The following PKP2 variants were observed in gnomAD, a reference collection of about 807,000 sequenced individuals.
PKP2 encodes plakophilin 2.
A neutral mutation model predicts 83.4 loss-of-function variants in PKP2; 73 were observed. The ratio of observed to expected loss-of-function variants is 0.88; its 90% CI spans 0.72 to 1.06. The LOEUF (loss-of-function observed/expected upper bound fraction) is 1.06. Among genes scored for constraint, PKP2 ranks in the 50% least tolerant of loss-of-function variants. PKP2 has a pLI of 0.00. For synonymous variants in PKP2, 409 were observed against 430.4 expected (o/e 0.95, Z 0.62); for missense variants, 966 against 1,065.4 (o/e 0.91, Z 1.30).
At chr12:32,831,640 A>G (rs1956502644) in intron 6 of PKP2, among the ~76,000 whole-genome samples, 1 of 152,104 alleles carries the variant, frequency 6.6e-6, no homozygotes, top group Non-Finnish European at 1.5e-5. Flanking sequence ...TATTGTTCCT[A>G]TTCATGTATT....
intron 9 of PKP2, among the ~76,000 whole-genome samples, chr12:32,814,084 T>C (rs1956300008): frequency 6.6e-6 from 1 of 152,178 alleles, no homozygotes; most frequent in South Asian, 2.1e-4. Context: ...GGAGGGACGT[T>C]TGGCACTCTC....
At chr12:32,801,146 C>T (rs910809412) in intron 10 of PKP2, among the ~76,000 whole-genome samples, 5 of 152,204 alleles carry the variant, frequency 3.3e-5, no homozygotes, top group Admixed American at 1.3e-4. Flanking sequence ...AGTTTATCAA[C>T]AGAATCCTCT....
intron 5 of PKP2, among the ~76,000 whole-genome samples, chr12:32,846,175 T>C (rs2137847096): frequency 6.6e-6 from 1 of 152,236 alleles, no homozygotes; most frequent in Non-Finnish European, 1.5e-5. Flanking sequence ...TCATGACTTG[T>C]CCGTTTTAAT....
At chr12:32,806,901 T>C (rs1016196657) in intron 9 of PKP2, among the ~76,000 whole-genome samples, 13 of 152,226 alleles carry the variant, frequency 8.5e-5, no homozygotes, top group African/African-American at 2.9e-4. Context: ...TCTGGTACAC[T>C]GTCTCTTTGT....
chr12:32,859,377 T>C (rs1956779877), intron 4 of PKP2, among the ~76,000 whole-genome samples: 2 of 152,174 alleles, frequency 1.3e-5, no homozygotes, highest in South Asian at 4.1e-4. Context: ...ATGGGCATAG[T>C]TTATGCATGC....
intron 12 of PKP2, 66 bp downstream of exon 12, chr12:32,792,578 C>A: frequency 6.5e-7 from 1 of 1,549,278 alleles, no homozygotes; most frequent in South Asian, 1.1e-5. Flanking sequence ...TTCCCAGGGT[C>A]AAGTCAAGTG....
chr12:32,888,675 T>C (rs1209913687), intron 1 of PKP2, among the ~76,000 whole-genome samples: 1 of 152,020 alleles, frequency 6.6e-6, no homozygotes, highest in Non-Finnish European at 1.5e-5. Context: ...GTACTTTTAG[T>C]AGAGACAGGG....
chr12:32,793,889 C>G (rs1169771598), intron 11 of PKP2, among the ~76,000 whole-genome samples: 5 of 152,204 alleles, frequency 3.3e-5, no homozygotes, highest in Admixed American at 3.3e-4. Flanking sequence ...GCCACTGTGC[C>G]CAGCCCATGT....
intron 9 of PKP2, among the ~76,000 whole-genome samples, chr12:32,812,877 C>T (rs1956289052): frequency 6.6e-6 from 1 of 152,194 alleles, no homozygotes; most frequent in Admixed American, 6.5e-5. Context: ...TTCTGTAACC[C>T]ACTTATAAGT....
intron 6 of PKP2, among the ~76,000 whole-genome samples, chr12:32,837,576 C>T (rs778859203): frequency 6.6e-6 from 1 of 152,168 alleles, no homozygotes; most frequent in Non-Finnish European, 1.5e-5. Context: ...CAGATTTTGG[C>T]TATATTCTGC....
intron 5 of PKP2, among the ~76,000 whole-genome samples, chr12:32,848,015 G>C (rs575455607): frequency 1.3e-5 from 2 of 152,300 alleles, no homozygotes; most frequent in South Asian, 4.1e-4. Flanking sequence ...AAGCTGCTCT[G>C]TAAATGTTGG....
intron 9 of PKP2, among the ~76,000 whole-genome samples, chr12:32,819,237 C>T (rs1956349495): frequency 6.6e-6 from 1 of 151,606 alleles, no homozygotes; most frequent in South Asian, 2.1e-4. Context: ...AAGATTGTGC[C>T]ACTGGATTCC....
At chr12:32,819,342 AAAAT>A (rs1407625024) in intron 9 of PKP2, among the ~76,000 whole-genome samples, 1 of 151,220 alleles carries the variant, frequency 6.6e-6, no homozygotes, top group African/African-American at 2.4e-5. Context: ...AAAATAAAAT[AAAAT>A]AAAGGGGCTT....
chr12:32,796,277 A>C lies in PKP2; in HGVS notation c.2189T>G (p.Leu730Trp). 1 of 1,613,608 alleles carries C rather than the reference A, an allele frequency of 6.2e-7. No individual in the cohort carries two copies. The highest frequency in any genetic ancestry group is 8.5e-7 in the Non-Finnish European group (1 of 1,179,678). ...NEIAKETLPDLVSIIPDTVPS... is the reference protein window; with the variant it reads ...NEIAKETLPDWVSIIPDTVPS... ...GACTGTGTCAGGAATGATGGAAACC[A>C]AATCAGGGAGAGTTTCTTTGGCTAC... is the stretch of plus-strand genomic sequence containing the variant. Residue 730 changes from leucine to tryptophan, a missense_variant, in exon 11 of 13, where the codon TTG (leucine) becomes TGG (tryptophan). Physicochemically the swap from Leu to Trp is moderately conservative, Grantham distance 61 (BLOSUM62 -2). Transcript: ENST00000340811.
At chr12:32,868,584 G>A (rs528452279) in intron 4 of PKP2, among the ~76,000 whole-genome samples, 6 of 151,844 alleles carry the variant, frequency 4.0e-5, no homozygotes, top group South Asian at 2.1e-4. Context: ...GTGCAGTGGC[G>A]CGAACTCAGT....
chr12:32,829,368 C>T (rs1184482289), intron 6 of PKP2, among the ~76,000 whole-genome samples: 1 of 151,432 alleles, frequency 6.6e-6, no homozygotes. Flanking sequence ...GATCTTCCCA[C>T]CTCAGCCTCC....
chr12:32,821,570 G>A, intron 8 of PKP2, 41 bp from the exon 9 acceptor site: 1 of 1,592,206 alleles, frequency 6.3e-7, no homozygotes, highest in Non-Finnish European at 8.6e-7. Flanking sequence ...ATGCATGTCA[G>A]GTGATGGCTA....
At chr12:32,795,324 T>A (rs1956110556) in intron 11 of PKP2, among the ~76,000 whole-genome samples, 1 of 151,356 alleles carries the variant, frequency 6.6e-6, no homozygotes, top group East Asian at 1.9e-4. Flanking sequence ...AGCAAGACTT[T>A]CTCATCAGGC....
intron 9 of PKP2, among the ~76,000 whole-genome samples, chr12:32,819,521 C>G (rs961372716): frequency 6.6e-6 from 1 of 151,948 alleles, no homozygotes; most frequent in Non-Finnish European, 1.5e-5. Context: ...GACCTGGTAC[C>G]TTAAATTTTT....
Sources: gnomAD v4.1 joint callset for allele counts (sites outside exome capture counted in the v4.1 genomes callset) on GRCh38, gnomAD v4.1.1 for gene constraint, MANE v1.5 for transcripts, NCBI Gene and HGNC (gene_info 2026-07-23, HGNC 2026-07-21) for gene names.